NDC1: variants seen among roughly 807,000 people sequenced by gnomAD.
The protein encoded by NDC1 is NDC1 transmembrane nucleoporin.
In NDC1, 24 loss-of-function variants were observed where a neutral mutation model predicts 89.8. The observed-to-expected ratio is 0.27, with a 90% CI of 0.19 to 0.38. The LOEUF is 0.38. NDC1 is among the 10% of genes least tolerant of loss of function. The probability of loss-of-function intolerance (pLI) is 1.00; values close to 1 mark genes in which losing one functional copy is unlikely to be tolerated. For missense variants in NDC1, 728 were observed against 797.6 expected (o/e 0.91, Z 1.05); for synonymous variants, 296 against 284.8 (o/e 1.04, Z -0.39).
intron 4 of NDC1, among the ~76,000 whole-genome samples, chr1:53,826,694 T>C (rs974856853): frequency 1.3e-5 from 2 of 152,192 alleles, no homozygotes; most frequent in African/African-American, 4.8e-5. Context: ...CTATGATCTA[T>C]GAGATATCTG....
Position 53,772,458 on chromosome 1 carries a change from G to A in NDC1, c.1832C>T (p.Ala611Val). ...AVDKYFKLPH[A>V]SSKPPRISGS... Reference sequence around the variant, plus strand: ...TGAAATCCGGGGTGGTTTACTGGAAGCATGAGGAAGCTTAAAGTACTTGTC... The same window carrying A: ...TGAAATCCGGGGTGGTTTACTGGAAACATGAGGAAGCTTAAAGTACTTGTC... The change falls in exon 17 of 18, where the codon GCT becomes GTT. Residue 611 changes from alanine to valine, a missense_variant. By Grantham distance (64) the Ala-to-Val change is moderately conservative. Coordinates refer to ENST00000371429, the MANE Select transcript of NDC1 (RefSeq NM_018087.5). 6.2e-7 allele frequency: 1 copy of A among 1,613,316 alleles called. No individual in the cohort carries two copies. Among genetic ancestry groups the A allele is most frequent in the Non-Finnish European group, 8.5e-7 (1 of 1,179,466 alleles).
intron 15 of NDC1, 92 bp from the exon 16 acceptor site, chr1:53,787,350 A>C: frequency 1.3e-6 from 1 of 753,684 alleles, no homozygotes. Context: ...AATATTCTGA[A>C]TATAAAAAGA....
chr1:53,814,581 G>C (rs999901136), intron 6 of NDC1, among the ~76,000 whole-genome samples: 9 of 151,642 alleles, frequency 5.9e-5, no homozygotes, highest in African/African-American at 2.2e-4. Flanking sequence ...GCTGAAAAAA[G>C]GAAATAACTG....
intron 6 of NDC1, among the ~76,000 whole-genome samples, chr1:53,817,138 CG>C (rs1336580135): frequency 9.9e-5 from 15 of 152,228 alleles, no homozygotes; most frequent in African/African-American, 3.4e-4. Context: ...CCCACTACTG[CG>C]TATCTACTCA....
intron 5 of NDC1, among the ~76,000 whole-genome samples, chr1:53,824,289 A>C (rs1030851453): frequency 6.6e-6 from 1 of 151,654 alleles, no homozygotes; most frequent in East Asian, 1.9e-4. Flanking sequence ...AGAGAGAGAG[A>C]CACGGTCTAG....
At chr1:53,791,946 CTT>C (rs776207954) in intron 14 of NDC1, among the ~76,000 whole-genome samples, 16 of 143,862 alleles carry the variant, frequency 1.1e-4, no homozygotes, top group Admixed American at 2.8e-4. Context: ...TCCCCTTCTT[CTT>C]TTTTTTTTTT....
intron 10 of NDC1, 98 bp downstream of exon 10, chr1:53,803,830 C>A (rs1264067940): frequency 1.1e-6 from 1 of 897,390 alleles, no homozygotes; most frequent in African/African-American, 1.7e-5. Context: ...CTCGGCCTCC[C>A]AAAGTGCTGG....
chr1:53,835,975 G>A (rs758842800), intron 1 of NDC1, among the ~76,000 whole-genome samples: 11 of 152,208 alleles, frequency 7.2e-5, no homozygotes, highest in Non-Finnish European at 1.6e-4. Context: ...CCTGTATACT[G>A]TAACTGTATT....
chr1:53,782,921 A>T (rs1447772844), intron 16 of NDC1, among the ~76,000 whole-genome samples: 1 of 152,200 alleles, frequency 6.6e-6, no homozygotes, highest in East Asian at 1.9e-4. Context: ...TAAAAACCAC[A>T]TATTACTATA....
At chr1:53,808,109 T>C in intron 7 of NDC1, among the ~76,000 whole-genome samples, 1 of 152,224 alleles carries the variant, frequency 6.6e-6, no homozygotes, top group East Asian at 1.9e-4. Flanking sequence ...TTATTATTGT[T>C]GCTTTGTAGT....
chr1:53,772,661 AATAACATAACATAACATAACATAAC>A (rs369123839), intron 16 of NDC1, among the ~76,000 whole-genome samples, 172 bp from the exon 17 acceptor site: 3 of 137,740 alleles, frequency 2.2e-5, no homozygotes, highest in Non-Finnish European at 3.1e-5. Flanking sequence ...CCTGTCTCAA[AATAACATAACATAACATAACATAAC>A]ATAACATAAC....
rs1482079010 is a variant in NDC1, at chr1:53,766,413, T to C, written c.*1557A>G. 6.6e-6 allele frequency: 1 copy of C among 152,234 alleles called. No homozygotes were observed. Among genetic ancestry groups the C allele is most frequent in the Non-Finnish European group, 1.5e-5 (1 of 68,042 alleles). The allele number at this position is 152,234 out of a possible 1,614,324, so 9.4% of individuals were successfully genotyped here. On this transcript the variant is annotated 3_prime_UTR_variant, in exon 18 of 18. Coordinates refer to ENST00000371429, the MANE Select transcript of NDC1 (RefSeq NM_018087.5). ...CTCAGTCAACCTAGCCACAATTTTCTGTCTTGGCCATCTGTAAGAAATGAC... is the reference window on the plus strand; with the variant it reads ...CTCAGTCAACCTAGCCACAATTTTCCGTCTTGGCCATCTGTAAGAAATGAC...
At chr1:53,823,987 G>A (rs1570230833) in intron 5 of NDC1, among the ~76,000 whole-genome samples, 1 of 151,776 alleles carries the variant, frequency 6.6e-6, no homozygotes, top group African/African-American at 2.4e-5. Flanking sequence ...AGGCATAGTG[G>A]CTCATGCCTG....
intron 5 of NDC1, 100 bp downstream of exon 5, chr1:53,825,698 A>C (rs1570233848): frequency 4.9e-6 from 5 of 1,011,684 alleles, no homozygotes; most frequent in Admixed American, 2.9e-5. Context: ...TTGGTTATCA[A>C]ATCTTGAATG....
chr1:53,831,110 A>C (rs1649052523), intron 3 of NDC1, among the ~76,000 whole-genome samples: 1 of 151,742 alleles, frequency 6.6e-6, no homozygotes, highest in African/African-American at 2.4e-5. Flanking sequence ...CTGTAGTCCC[A>C]GCTACTTGGG....
intron 3 of NDC1, among the ~76,000 whole-genome samples, chr1:53,831,546 G>C (rs2100695391): frequency 6.6e-6 from 1 of 151,952 alleles, no homozygotes; most frequent in African/African-American, 2.4e-5. Context: ...GGTGGCGCGT[G>C]CCTGTAATCC....
chr1:53,824,459 A>C (rs898531848), intron 5 of NDC1, among the ~76,000 whole-genome samples: 1 of 152,130 alleles, frequency 6.6e-6, no homozygotes, highest in Non-Finnish European at 1.5e-5. Context: ...ATAATATACC[A>C]TTTGTTTACA....
rs572178816 is a variant in NDC1 at position 53,815,905 on chromosome 1, A to G, written c.703+3066T>C. Reference sequence around the variant, plus strand: ...GAGTATACCTAACCAAGGAGTCGAAAGATCTCTACAAGGAAAACTACAAAA... The same window carrying G: ...GAGTATACCTAACCAAGGAGTCGAAGGATCTCTACAAGGAAAACTACAAAA... On this transcript the variant is annotated intron_variant, in intron 6 of 17. Coordinates refer to ENST00000371429, the MANE Select transcript of NDC1 (RefSeq NM_018087.5). 3.9e-5 allele frequency among the ~76,000 whole-genome samples: 6 copies of G among 152,332 alleles called. No homozygotes were observed. The South Asian group carries it at 1.2e-3, about 32-fold the overall frequency.
chr1:53,782,904 C>A (rs1182976399), intron 16 of NDC1, among the ~76,000 whole-genome samples: 19 of 152,104 alleles, frequency 1.2e-4, no homozygotes, highest in Non-Finnish European at 2.9e-5. Context: ...TTATGTAATG[C>A]AGTAATTAAA....
Sources: allele counts gnomAD v4.1 joint callset (sites outside exome capture counted in the v4.1 genomes callset), GRCh38; gene constraint gnomAD v4.1.1; transcripts MANE v1.5; gene names NCBI Gene and HGNC (gene_info 2026-07-23, HGNC 2026-07-21).